Variants in CNTN5 observed in about 807,000 individuals in gnomAD.
CNTN5 encodes contactin-5.
In CNTN5, 77 loss-of-function variants were observed where a neutral mutation model predicts 129.1. The ratio of observed to expected loss-of-function variants is 0.60; its 90% CI spans 0.50 to 0.72. CNTN5 has a LOEUF of 0.72. Among genes scored for constraint, CNTN5 ranks in the 30% least tolerant of loss-of-function variants. The probability of loss-of-function intolerance (pLI) is 0.00; values close to 1 mark genes in which losing one functional copy is unlikely to be tolerated. For missense variants in CNTN5, 1,478 were observed against 1,328.8 expected (o/e 1.11, Z -1.75); for synonymous variants, 509 against 465.6 (o/e 1.09, Z -1.20).
At chr11:99,101,820 T>A (rs1159190368) in intron 1 of CNTN5, among the ~76,000 whole-genome samples, 1 of 152,168 alleles carries the variant, frequency 6.6e-6, no homozygotes, top group African/African-American at 2.4e-5. Context: ...TGGATCTACC[T>A]TTCTGGGTGC....
intron 21 of CNTN5, among the ~76,000 whole-genome samples, chr11:100,339,226 T>A (rs1312808848): frequency 6.6e-6 from 1 of 152,136 alleles, no homozygotes; most frequent in Non-Finnish European, 1.5e-5. Flanking sequence ...TGTGACAGAC[T>A]ATCTGGGTAC....
intron 2 of CNTN5, among the ~76,000 whole-genome samples, chr11:99,496,270 T>C (rs1483806309): frequency 1.3e-5 from 2 of 152,126 alleles, no homozygotes; most frequent in African/African-American, 4.8e-5. Flanking sequence ...CCATGAAAAA[T>C]GATTTATTTT....
intron 1 of CNTN5, among the ~76,000 whole-genome samples, chr11:99,151,368 C>G (rs983560212): frequency 1.3e-5 from 2 of 152,116 alleles, no homozygotes; most frequent in Admixed American, 1.3e-4. Context: ...TCATGTTATA[C>G]TCAGACAGCT....
At chr11:99,610,658 A>G (rs1440759147) in intron 3 of CNTN5, among the ~76,000 whole-genome samples, 1 of 152,180 alleles carries the variant, frequency 6.6e-6, no homozygotes, top group Non-Finnish European at 1.5e-5. Context: ...ACATGTGAAG[A>G]ACATGTGATA....
chr11:99,404,132 A>T (rs34148528), intron 2 of CNTN5, among the ~76,000 whole-genome samples: 113,135 of 151,796 alleles, frequency 0.75, 43,008 homozygotes, highest in African/African-American at 0.9. Context: ...CTTCTTATAT[A>T]ATTTGTCTTG....
chr11:99,154,488 A>G (rs1225511518), intron 1 of CNTN5, among the ~76,000 whole-genome samples: 1 of 152,146 alleles, frequency 6.6e-6, no homozygotes, highest in Admixed American at 6.5e-5. Context: ...GGTGGCAAGG[A>G]GCACTCACAC....
At chr11:100,298,181 C>T (rs1235528561) in intron 19 of CNTN5, among the ~76,000 whole-genome samples, 1 of 151,288 alleles carries the variant, frequency 6.6e-6, no homozygotes, top group Non-Finnish European at 1.5e-5. Context: ...ATGGAAATGC[C>T]TGTTAGAGTA....
chr11:99,831,871 A>G (rs887247717), intron 4 of CNTN5, among the ~76,000 whole-genome samples: 8 of 152,190 alleles, frequency 5.3e-5, no homozygotes, highest in African/African-American at 1.7e-4. Context: ...TTCAAATGCT[A>G]AATGACTAGA....
chr11:100,018,803 G>C (rs1248215973), intron 9 of CNTN5, among the ~76,000 whole-genome samples: 5 of 151,896 alleles, frequency 3.3e-5, no homozygotes, highest in African/African-American at 1.2e-4. Context: ...CAGTGTTGGA[G>C]AGTCCAAGTA....
At chr11:99,534,608 T>G (rs1164417675) in intron 2 of CNTN5, among the ~76,000 whole-genome samples, 2 of 152,142 alleles carry the variant, frequency 1.3e-5, no homozygotes, top group African/African-American at 4.8e-5. Flanking sequence ...GTTGGTGTAT[T>G]TAGAGAATGG....
intron 3 of CNTN5, among the ~76,000 whole-genome samples, chr11:99,595,800 G>A (rs1445237097): frequency 6.6e-6 from 1 of 151,816 alleles, no homozygotes; most frequent in Non-Finnish European, 1.5e-5. Context: ...TTAGTTGCAA[G>A]AAATGTGTGA....
At chr11:100,039,747 C>G (rs57080366) in intron 9 of CNTN5, among the ~76,000 whole-genome samples, 14,041 of 152,230 alleles carry the variant, frequency 0.092, 839 homozygotes, top group East Asian at 0.18. Context: ...ACCCTTTCTT[C>G]CAGTTGATGG....
intron 18 of CNTN5, among the ~76,000 whole-genome samples, chr11:100,284,704 G>T (rs936209321): frequency 2.0e-5 from 3 of 152,090 alleles, no homozygotes; most frequent in African/African-American, 4.8e-5. Flanking sequence ...AGTTAACTAC[G>T]TAACTTGTCA....
chr11:99,792,570 T>TGCGC (rs1459893558), intron 3 of CNTN5, among the ~76,000 whole-genome samples: 1 of 121,072 alleles, frequency 8.3e-6, no homozygotes, highest in African/African-American at 3.0e-5. Context: ...TGTGTGTGTG[T>TGCGC]GTGTGTCTGT....
intron 11 of CNTN5, among the ~76,000 whole-genome samples, chr11:100,071,486 A>C (rs1004214930): frequency 6.6e-6 from 1 of 152,168 alleles, no homozygotes; most frequent in Non-Finnish European, 1.5e-5. Flanking sequence ...GAATAACTAC[A>C]AAAAAATTGT....
intron 9 of CNTN5, among the ~76,000 whole-genome samples, chr11:100,059,649 G>A (rs1294071985): frequency 6.6e-6 from 1 of 151,808 alleles, no homozygotes; most frequent in Non-Finnish European, 1.5e-5. Flanking sequence ...ACCATTTTTT[G>A]CCCTATAAAT....
chr11:99,303,767 G>T (rs755684858), intron 1 of CNTN5, among the ~76,000 whole-genome samples: 1 of 151,986 alleles, frequency 6.6e-6, no homozygotes, highest in Non-Finnish European at 1.5e-5. Context: ...GCATAAGAAT[G>T]CCTATGGTTG....
At chr11:99,225,694 G>T (rs141290902) in intron 1 of CNTN5, among the ~76,000 whole-genome samples, 2 of 152,144 alleles carry the variant, frequency 1.3e-5, no homozygotes, top group African/African-American at 4.8e-5. Flanking sequence ...AGTTACTTTT[G>T]TCATTAATTA....
At chr11:99,541,808 G>A (rs549763288) in intron 2 of CNTN5, among the ~76,000 whole-genome samples, 25 of 151,946 alleles carry the variant, frequency 1.6e-4, no homozygotes, top group East Asian at 3.9e-4. Context: ...AATTGGCTAC[G>A]TAGGATGGCA....
Sources: gnomAD v4.1 joint callset for allele counts (sites outside exome capture counted in the v4.1 genomes callset) on GRCh38, gnomAD v4.1.1 for gene constraint, MANE v1.5 for transcripts, NCBI Gene and HGNC (gene_info 2026-07-23, HGNC 2026-07-21) for gene names.